The following RNF103 variants were observed in gnomAD, a reference collection of about 807,000 sequenced individuals.
The protein encoded by RNF103 is ring finger protein 103.
RNF103 carries 23 observed loss-of-function variants against 66.2 expected under a neutral mutation model. The ratio of observed to expected loss-of-function variants is 0.35; its 90% confidence interval spans 0.25 to 0.49. The LOEUF (loss-of-function observed/expected upper bound fraction) is 0.49. Among genes scored for constraint, RNF103 ranks in the 20% least tolerant of loss-of-function variants. The pLI, the probability that RNF103 is intolerant of heterozygous loss-of-function variation, is 0.98. For synonymous variants in RNF103, 297 were observed against 289.9 expected (o/e 1.02, Z -0.25); for missense variants, 730 against 814.7 (o/e 0.90, Z 1.27).
intron 1 of RNF103, 35 bp from the exon 2 acceptor site, chr2:86,620,504 G>T (rs1573371291): frequency 1.3e-6 from 2 of 1,497,672 alleles, no homozygotes; most frequent in East Asian, 2.3e-5. Context: ...TAATAAGGTT[G>T]CAAGAATCCT....
Position 86,605,407 on chromosome 2 carries a change from C to G in RNF103, c.494G>C (p.Arg165Thr). Reference sequence around the variant, plus strand: ...GAGTGTGGATCGGACCCAGCCTCTTCTCCTGCAATATCTACAAGAGAGGAA... The same window carrying G: ...GAGTGTGGATCGGACCCAGCCTCTTGTCCTGCAATATCTACAAGAGAGGAA... Reference protein sequence around the residue: ...NCSSDPRYCRRRGWVRSTLIM... With the variant: ...NCSSDPRYCRTRGWVRSTLIM... The change falls in exon 4 of 4, where the codon AGA (arginine) becomes ACA (threonine). Residue 165 changes from arginine (R) to threonine (T), a missense_variant. Arg to Thr is a moderately conservative substitution (Grantham distance 71). Around this residue, in one of 3 missense-constraint regions of RNF103, gnomAD observed 327 missense variants for 369.8 expected, o/e 0.88. Transcript: ENST00000237455. 6.2e-7 allele frequency: 1 copy of G among 1,607,324 alleles called. No homozygotes were observed. The highest frequency in any genetic ancestry group is 8.5e-7 in the Non-Finnish European group (1 of 1,177,138).
rs1222638516 is a variant in RNF103, at chr2:86,608,486, CAAAAAAAAAAAA to C, written c.483-3080_483-3069del. ...TGGGCAATAGAGTGAGACTCCATCT[CAAAAAAAAAAAA>C]AAAAAAAAAAAAGGAAGAAAGGAAG... On this transcript the variant is annotated intron_variant, in intron 3 of 3. Transcript: ENST00000237455. Among the ~76,000 whole-genome samples the C allele has an allele frequency of 1.7e-4, 7 of 40,118 alleles. 1 individual carries two copies. The highest frequency in any genetic ancestry group is 1.7e-4 in the Non-Finnish European group (3 of 17,282). The allele number at this position is 40,118 out of a possible 152,430, so 26.3% of individuals were successfully genotyped here.
intron 3 of RNF103, among the ~76,000 whole-genome samples, chr2:86,606,658 G>A (rs558088853): frequency 7.4e-4 from 54 of 73,260 alleles, no homozygotes; most frequent in Admixed American, 2.4e-3. Flanking sequence ...GCAAAACTTC[G>A]TCTCAAAAAA....
intron 3 of RNF103, among the ~76,000 whole-genome samples, chr2:86,611,908 A>C (rs1469151436): frequency 6.6e-6 from 1 of 152,196 alleles, no homozygotes; most frequent in East Asian, 1.9e-4. Flanking sequence ...CTTCAATAGA[A>C]AAAACACAGA....
At chr2:86,610,632 TAAACTATAATGTTTGAA>T (rs1678754072) in intron 3 of RNF103, among the ~76,000 whole-genome samples, 1 of 152,232 alleles carries the variant, frequency 6.6e-6, no homozygotes, top group Non-Finnish European at 1.5e-5. Context: ...AATATATTTA[TAAACTATAATGTTTGAA>T]ATGTATTATT....
chr2:86,622,731 C>T lies in RNF103; in HGVS notation c.156G>A (p.Leu52=). 1.9e-6 allele frequency: 3 copies of T among 1,614,172 alleles called. No individual in the cohort carries two copies. Residue 52 remains leucine, a synonymous_variant, in exon 1 of 4, where the codon TTG becomes TTA. Transcript: ENST00000237455. The stretch of plus-strand genomic sequence containing the variant: ...CTGAGTAGCCCAACCCCCGGCACTC[C>T]AAAATGGTCTTCAGCTTCTTGAAGC... ...ALSFKKLKTI[L]ECRGLGYSGL...
chr2:86,612,112 A>G (rs921298172), intron 3 of RNF103, 47 bp downstream of exon 3: 2 of 1,249,206 alleles, frequency 1.6e-6, no homozygotes, highest in Non-Finnish European at 1.2e-6. Context: ...TAAATAAGAA[A>G]GATCCTGGTC....
At chr2:86,614,712 C>T in intron 2 of RNF103, 1 of 920,582 alleles carries the variant, frequency 1.1e-6, no homozygotes, top group Non-Finnish European at 1.3e-6. Flanking sequence ...TGCTACCACT[C>T]AAGAGTCAAT....
At position 86,623,561 on chromosome 2, in the gene RNF103, T is replaced by A; in HGVS notation, c.-675A>T. 1.0e-6 allele frequency: 1 copy of A among 994,434 alleles called. No homozygotes were observed. The highest frequency in any genetic ancestry group is 1.2e-6 in the Non-Finnish European group (1 of 835,422). The allele number at this position is 994,434 out of a possible 1,614,324, so 61.6% of individuals were successfully genotyped here. A position where few individuals can be genotyped will look rare whatever the true frequency, so the allele number is the denominator to read the frequency against. On this transcript the variant is annotated 5_prime_UTR_variant, in exon 1 of 4. Coordinates refer to ENST00000237455, the MANE Select transcript of RNF103 (RefSeq NM_005667.4). Reference sequence around the variant, plus strand: ...GGCGGGCACGGCGGCGGCTCCAGGTTCGCTCGGGCCGGCTGGCGGGCGGCG... The same window carrying A: ...GGCGGGCACGGCGGCGGCTCCAGGTACGCTCGGGCCGGCTGGCGGGCGGCG...
In RNF103 at chr2:86,604,486, G is replaced by A. The variant is rs1209220975; in HGVS notation, c.1415C>T (p.Ser472Phe). 6.2e-7 allele frequency: 1 copy of A among 1,614,128 alleles called. No individual in the cohort carries two copies. Residue 472 changes from serine (S) to phenylalanine (F), a missense_variant, in exon 4 of 4, where the codon TCT (serine) becomes TTT (phenylalanine). Physicochemically the swap from Ser to Phe is radical, Grantham distance 155 (BLOSUM62 -2). Coordinates refer to ENST00000237455, the MANE Select transcript of RNF103 (RefSeq NM_005667.4). Reference sequence around the variant, plus strand: ...AGATTCTACAGGAAAGTTCTGAAAAGAAGCAATCGGGTGGAAGAGGTAGCT... The same window carrying A: ...AGATTCTACAGGAAAGTTCTGAAAAAAAGCAATCGGGTGGAAGAGGTAGCT... ...YTSYLFHPIASFQNFPVESDW... is the reference protein window; with the variant it reads ...YTSYLFHPIAFFQNFPVESDW...
intron 2 of RNF103, chr2:86,617,352 T>C: frequency 4.1e-6 from 4 of 975,346 alleles, no homozygotes; most frequent in Non-Finnish European, 4.9e-6. Flanking sequence ...TCAGTTTCAC[T>C]TTCTGCAGTC....
intron 2 of RNF103, chr2:86,614,663 G>A (rs1047469234): frequency 3.2e-5 from 21 of 665,858 alleles, no homozygotes; most frequent in Non-Finnish European, 3.5e-5. Flanking sequence ...CAAAGCAGGC[G>A]CCTATTGCCT....
rs1343185070 is a variant in RNF103, at chr2:86,604,705, G to A, written c.1196C>T (p.Thr399Ile). The A allele has an allele frequency of 6.2e-7, 1 of 1,614,160 alleles. No individual in the cohort carries two copies. The highest frequency in any genetic ancestry group is 8.5e-7 in the Non-Finnish European group (1 of 1,180,030). Residue 399 changes from threonine (T) to isoleucine (I), a missense_variant, in exon 4 of 4, where the codon ACA becomes ATA. This residue lies in a region of RNF103 where 355 missense variants were observed against 351.9 expected (regional missense o/e 1.01). Coordinates refer to ENST00000237455, the MANE Select transcript of RNF103 (RefSeq NM_005667.4). ...CCTTACCCATGAAGCCAGTGTGGTT[G>A]TATTGGAATATCTCAACAATTTTAA... is the stretch of plus-strand genomic sequence containing the variant. ...YSLKLLRYSN[T>I]TTLASWVRAD...
rs768612101 is a variant in RNF103 at position 86,603,937 on chromosome 2, C to T, written c.1964G>A (p.Gly655Asp). ...CCGGCAAACAGGGCAACAATGTCGG[C>T]CCCCAGCCAACCACATCACAATGCA... ...QNCIVMWLAG[G>D]RHCCPVCRWP... is the part of the protein sequence containing the mutation. The change falls in exon 4 of 4, where the codon GGC becomes GAC. Residue 655 changes from glycine to aspartate, a missense_variant. Physicochemically the swap from Gly to Asp is moderately conservative, Grantham distance 94 (BLOSUM62 -1). This residue lies in a region of RNF103 where 355 missense variants were observed against 351.9 expected (regional missense o/e 1.01). Transcript: ENST00000237455. 6.2e-7 allele frequency: 1 copy of T among 1,614,084 alleles called. No homozygotes were observed.
At chr2:86,619,062 G>T (rs1423098452) in intron 2 of RNF103, among the ~76,000 whole-genome samples, 1 of 152,174 alleles carries the variant, frequency 6.6e-6, no homozygotes, top group Admixed American at 6.5e-5. Context: ...TAAATCTCTG[G>T]AAGAATTCCC....
rs1678480559 is a variant in RNF103 at position 86,604,730 on chromosome 2, A to C, written c.1171T>G (p.Leu391Val). 6.2e-7 allele frequency: 1 copy of C among 1,614,092 alleles called. No homozygotes were observed. Among genetic ancestry groups the C allele is most frequent in the Middle Eastern group, 1.6e-4 (1 of 6,062 alleles). The change falls in exon 4 of 4, where the codon TTA becomes GTA. Residue 391 changes from leucine (L) to valine (V), a missense_variant. By Grantham distance (32) the Leu-to-Val change is conservative. Coordinates refer to ENST00000237455, the MANE Select transcript of RNF103 (RefSeq NM_005667.4). ...PYLDSFYEYS[L>V]KLLRYSNTTT... ...GTATTGGAATATCTCAACAATTTTA[A>C]GCTATATTCATAAAAGCTATCTAAG...
chr2:86,609,262 G>A (rs938464074), intron 3 of RNF103, among the ~76,000 whole-genome samples: 1 of 152,086 alleles, frequency 6.6e-6, no homozygotes, highest in Non-Finnish European at 1.5e-5. Context: ...TCTCTACCAT[G>A]TTCTGGCAGC....
At chr2:86,617,040 G>A in intron 2 of RNF103, 5 of 985,314 alleles carry the variant, frequency 5.1e-6, no homozygotes, top group Non-Finnish European at 6.0e-6. Flanking sequence ...TAGGGACAAA[G>A]GAGAAAAACA....
rs1285425792 is a variant in RNF103, at chr2:86,610,006, T to A, written c.482+2153A>T. On this transcript the variant is annotated intron_variant, in intron 3 of 3. Transcript: ENST00000237455. Reference sequence around the variant, plus strand: ...TATATCTCTAAATTTTGTTCTTCTATATCTCCATAGTCATCAAAAGAAAAG... The same window carrying A: ...TATATCTCTAAATTTTGTTCTTCTAAATCTCCATAGTCATCAAAAGAAAAG... 3.3e-5 allele frequency among the ~76,000 whole-genome samples: 5 copies of A among 152,336 alleles called. No individual in the cohort carries two copies. The South Asian group carries it at 8.3e-4, about 25-fold the overall frequency.
Sources: allele counts gnomAD v4.1 joint callset (sites outside exome capture counted in the v4.1 genomes callset), GRCh38; gene constraint gnomAD v4.1.1; regional missense constraint gnomAD v4.1.1; transcripts MANE v1.5; gene names NCBI Gene and HGNC (gene_info 2026-07-23, HGNC 2026-07-21).